The following KLRG1 variants were observed in gnomAD, a reference collection of about 807,000 sequenced individuals.
KLRG1 encodes killer cell lectin like receptor G1, also known as killer cell lectin-like receptor subfamily G member 1.
A neutral mutation model predicts 21.8 loss-of-function variants in KLRG1; 16 were observed. The ratio of observed to expected loss-of-function variants is 0.73; its 90% confidence interval spans 0.50 to 1.11. The LOEUF (loss-of-function observed/expected upper bound fraction) is 1.11, where lower values mean the gene tolerates loss of function less well. Among genes scored for constraint, KLRG1 ranks in the 50% most tolerant of loss-of-function variants. The pLI is 0.00. For synonymous variants in KLRG1, 69 were observed against 75.9 expected (o/e 0.91, Z 0.47); for missense variants, 173 against 218.3 (o/e 0.79, Z 1.31).
the KLRG1 span, chr12:9,037,014 T>C: frequency 5.3e-6 from 1 of 189,726 alleles, no homozygotes; most frequent in African/African-American, 2.4e-5. Flanking sequence ...GGACATCAAG[T>C]GCCAACTGCA....
the KLRG1 span, among the ~76,000 whole-genome samples, chr12:9,129,846 T>C: frequency 6.6e-6 from 1 of 152,200 alleles, no homozygotes; most frequent in African/African-American, 2.4e-5. Context: ...CCGCGCCTGG[T>C]GAACCATTTT....
the KLRG1 span, chr12:9,106,579 C>T: frequency 6.3e-7 from 1 of 1,584,354 alleles, no homozygotes; most frequent in Non-Finnish European, 8.6e-7. Context: ...TTTTTACTTG[C>T]TGATAGAAGC....
chr12:9,072,453 C>A, the KLRG1 span: 1 of 1,613,034 alleles, frequency 6.2e-7, no homozygotes, highest in South Asian at 1.1e-5. Context: ...GGGAACTCTT[C>A]CTTTTCTGGG....
the KLRG1 span, chr12:9,164,378 G>T: frequency 9.2e-7 from 1 of 1,086,970 alleles, no homozygotes; most frequent in Non-Finnish European, 1.3e-6. Context: ...AAAAATGTAT[G>T]TCACATAGAT....
At chr12:9,082,008 A>G in the KLRG1 span, among the ~76,000 whole-genome samples, 1 of 152,222 alleles carries the variant, frequency 6.6e-6, no homozygotes, top group African/African-American at 2.4e-5. Flanking sequence ...CCAGATGGCC[A>G]GTCTGTAAGC....
At chr12:9,090,117 T>C in the KLRG1 span, 6,460 of 1,519,086 alleles carry the variant, frequency 4.3e-3, 225 homozygotes, top group African/African-American at 0.076. Flanking sequence ...TCTGTAAACT[T>C]TTGTTTTATT....
intron 1 of KLRG1, among the ~76,000 whole-genome samples, chr12:8,963,415 G>T (rs961985499): frequency 6.6e-6 from 1 of 152,182 alleles, no homozygotes; most frequent in Non-Finnish European, 1.5e-5. Context: ...GCTTTTTGAT[G>T]TGCTGCTGGA....
At chr12:9,208,476 A>C in the KLRG1 span, 1 of 645,760 alleles carries the variant, frequency 1.5e-6, no homozygotes, top group Non-Finnish European at 2.8e-6. Flanking sequence ...AATAGAGTTC[A>C]GAATTGAGCA....
the KLRG1 span, among the ~76,000 whole-genome samples, chr12:9,152,571 T>C: frequency 5.9e-5 from 9 of 152,344 alleles, no homozygotes; most frequent in African/African-American, 1.9e-4. Context: ...ATCTTGCTAA[T>C]TGGCATTTTT....
chr12:9,062,712 T>A, the KLRG1 span, among the ~76,000 whole-genome samples: 1 of 147,932 alleles, frequency 6.8e-6, no homozygotes, highest in Non-Finnish European at 1.5e-5. Flanking sequence ...ATAATATATT[T>A]ATTATATTTT....
At chr12:9,092,307 A>C in the KLRG1 span, among the ~76,000 whole-genome samples, 1 of 152,158 alleles carries the variant, frequency 6.6e-6, no homozygotes. Context: ...TAAATCACCT[A>C]GCTCCAGGAG....
chr12:9,079,579 C>G, the KLRG1 span: 1 of 1,499,350 alleles, frequency 6.7e-7, no homozygotes, highest in Non-Finnish European at 9.2e-7. Flanking sequence ...TAACTGAAAC[C>G]TACTGGGAAA....
chr12:9,192,607 T>C, the KLRG1 span: 2 of 1,614,162 alleles, frequency 1.2e-6, no homozygotes, highest in Non-Finnish European at 1.7e-6. Flanking sequence ...CAGGGCAGGG[T>C]ACCAGCCACA....
At chr12:9,190,647 C>T in the KLRG1 span, among the ~76,000 whole-genome samples, 1 of 152,058 alleles carries the variant, frequency 6.6e-6, no homozygotes, top group Non-Finnish European at 1.5e-5. Context: ...CCCCATGACA[C>T]GAGTTTACCT....
intron 3 of KLRG1, among the ~76,000 whole-genome samples, chr12:9,006,559 G>A (rs906637731): frequency 1.7e-4 from 26 of 152,206 alleles, no homozygotes; most frequent in African/African-American, 6.3e-4. Flanking sequence ...TTTATTCTAT[G>A]TGAAAAGTGA....
At chr12:9,199,167 C>A in the KLRG1 span, among the ~76,000 whole-genome samples, 1 of 152,148 alleles carries the variant, frequency 6.6e-6, no homozygotes, top group African/African-American at 2.4e-5. Flanking sequence ...CTCATCACTG[C>A]CGATTCTGAG....
At chr12:9,033,730 G>A in the KLRG1 span, among the ~76,000 whole-genome samples, 4 of 152,232 alleles carry the variant, frequency 2.6e-5, no homozygotes, top group South Asian at 2.1e-4. Flanking sequence ...GTTAGCAGAA[G>A]TTGCTCCTGA....
At chr12:9,188,322 C>A in the KLRG1 span, among the ~76,000 whole-genome samples, 1 of 152,244 alleles carries the variant, frequency 6.6e-6, no homozygotes, top group African/African-American at 2.4e-5. Flanking sequence ...AAATTCAACA[C>A]CTCTTCATGT....
chr12:9,183,208 C>A, the KLRG1 span, among the ~76,000 whole-genome samples: 1 of 152,134 alleles, frequency 6.6e-6, no homozygotes, highest in Non-Finnish European at 1.5e-5. Context: ...ATCTAACACA[C>A]AACATGAAGA....
Sources: allele counts gnomAD v4.1 joint callset (sites outside exome capture counted in the v4.1 genomes callset), GRCh38; gene constraint gnomAD v4.1.1; transcripts MANE v1.5; gene names NCBI Gene and HGNC (gene_info 2026-07-23, HGNC 2026-07-21).